Variants in SEMA3C observed in about 807,000 individuals in gnomAD.
SEMA3C encodes semaphorin 3C, also known as semaphorin-3C.
In SEMA3C, 47 loss-of-function variants were observed where a neutral mutation model predicts 89.4. That is an observed-to-expected ratio of 0.53 (90% CI 0.42 to 0.67). The LOEUF (loss-of-function observed/expected upper bound fraction) is 0.67. Among genes scored for constraint, SEMA3C ranks in the 30% least tolerant of loss-of-function variants. The pLI is 0.00. For missense variants in SEMA3C, 839 were observed against 929.1 expected (o/e 0.90, Z 1.26); for synonymous variants, 310 against 320.2 (o/e 0.97, Z 0.34).
intron 11 of SEMA3C, among the ~76,000 whole-genome samples, chr7:80,795,621 T>C (rs962616510): frequency 5.3e-5 from 8 of 152,206 alleles, no homozygotes; most frequent in Non-Finnish European, 1.0e-4. Flanking sequence ...ATTGGTTTAT[T>C]CTGTTTTACT....
chr7:80,853,791 CA>C (rs1790571151), intron 2 of SEMA3C, among the ~76,000 whole-genome samples: 1 of 152,058 alleles, frequency 6.6e-6, no homozygotes, highest in Non-Finnish European at 1.5e-5. Flanking sequence ...CTGTCTGTAA[CA>C]AAAAGGATTA....
At chr7:80,912,845 G>T (rs78041414) in intron 2 of SEMA3C, among the ~76,000 whole-genome samples, 2,771 of 152,106 alleles carry the variant, frequency 0.018, 85 homozygotes, top group African/African-American at 0.063. Flanking sequence ...TTCAACAAAC[G>T]TGCCTTGTAA....
chr7:80,803,539 C>T (rs1350385162), intron 8 of SEMA3C, among the ~76,000 whole-genome samples: 3 of 152,138 alleles, frequency 2.0e-5, no homozygotes, highest in Non-Finnish European at 4.4e-5. Context: ...CTGTAAAACT[C>T]TATTATAGAA....
In SEMA3C at chr7:80,897,701, T is replaced by G. The variant is rs957149029; in HGVS notation, c.103+18978A>C. On this transcript the variant is annotated intron_variant, in intron 2 of 17. Coordinates refer to ENST00000265361, the MANE Select transcript of SEMA3C (RefSeq NM_006379.5). ...TTTAATTGACTGCAAGGTTTGATAC[T>G]GGCATAAGCAAACAAGTAAATAGAA... 7.9e-5 allele frequency among the ~76,000 whole-genome samples: 12 copies of G among 152,326 alleles called. No individual in the cohort carries two copies. In the East Asian group the frequency reaches 2.3e-3, roughly 29 times the overall value.
chr7:80,750,448 A>ATAT (rs1224518165), intron 16 of SEMA3C, among the ~76,000 whole-genome samples: 1 of 51,328 alleles, frequency 1.9e-5, no homozygotes, highest in Non-Finnish European at 4.0e-5. Context: ...ATATATATAT[A>ATAT]TATATATATA....
chr7:80,775,198 C>T (rs1171338675), intron 12 of SEMA3C, among the ~76,000 whole-genome samples: 1 of 152,058 alleles, frequency 6.6e-6, no homozygotes. Context: ...TGGAGAAATT[C>T]TAAAGGATGC....
intron 2 of SEMA3C, among the ~76,000 whole-genome samples, chr7:80,842,358 T>G (rs564848367): frequency 1.3e-5 from 2 of 152,166 alleles, no homozygotes; most frequent in African/African-American, 4.8e-5. Flanking sequence ...AAGAGATCAG[T>G]GTTGCACTTT....
chr7:80,898,484 T>C (rs1791794588), intron 2 of SEMA3C, among the ~76,000 whole-genome samples: 1 of 152,014 alleles, frequency 6.6e-6, no homozygotes, highest in Non-Finnish European at 1.5e-5. Context: ...CAAAGATGAG[T>C]ATATAGCAGA....
At position 80,744,964 on chromosome 7, in the gene SEMA3C, T is replaced by C. The variant is rs1330057332; in HGVS notation, c.2186A>G (p.Tyr729Cys). Residue 729 changes from tyrosine to cysteine, a missense_variant, in exon 18 of 18, where the codon TAT becomes TGT. Physicochemically the swap from Tyr to Cys is radical, Grantham distance 194. Coordinates refer to ENST00000265361, the MANE Select transcript of SEMA3C (RefSeq NM_006379.5). ...GDESQKMRGD[Y>C]GKLKALINSR... ...ATTGATGAGGGCCTTTAACTTGCCA[T>C]AGTCCCCTCTCATTTTCTGTGATTC... 3 of 1,614,008 alleles carry C rather than the reference T, an allele frequency of 1.9e-6. No homozygotes were observed. Among genetic ancestry groups the C allele is most frequent in the Non-Finnish European group, 2.5e-6 (3 of 1,179,984 alleles).
At chr7:80,802,596 A>G in intron 9 of SEMA3C, 69 bp downstream of exon 9, 1 of 932,538 alleles carries the variant, frequency 1.1e-6, no homozygotes, top group Non-Finnish European at 1.7e-6. Context: ...TTCTTTTGAG[A>G]CCTTATTTAA....
intron 2 of SEMA3C, among the ~76,000 whole-genome samples, chr7:80,856,549 A>C (rs1252763063): frequency 6.6e-6 from 1 of 151,284 alleles, no homozygotes. Flanking sequence ...AAAAAAAAAA[A>C]AAAAAAAACT....
At chr7:80,870,528 C>T (rs772102979) in intron 2 of SEMA3C, among the ~76,000 whole-genome samples, 26 of 152,140 alleles carry the variant, frequency 1.7e-4, no homozygotes, top group Admixed American at 6.5e-5. Flanking sequence ...GCTACCATAA[C>T]GACAAACACT....
At chr7:80,775,056 G>A (rs1788516371) in intron 12 of SEMA3C, among the ~76,000 whole-genome samples, 1 of 151,978 alleles carries the variant, frequency 6.6e-6, no homozygotes, top group South Asian at 2.1e-4. Flanking sequence ...TAATGGAATG[G>A]CATTTTTTTA....
intron 2 of SEMA3C, among the ~76,000 whole-genome samples, chr7:80,859,782 T>C (rs1036785357): frequency 5.9e-5 from 9 of 152,126 alleles, no homozygotes; most frequent in Non-Finnish European, 1.3e-4. Context: ...AGGCCTTATT[T>C]GGTGATGACA....
At position 80,756,011 on chromosome 7, in the gene SEMA3C, G is replaced by A. The variant is rs541206622; in HGVS notation, c.1643+2320C>T. The stretch of plus-strand genomic sequence containing the variant: ...GAGACTCCTGGTTTAAAGAGTGGGA[G>A]TTCTCTTCCTATCTCATGCCATTAA... On this transcript the variant is annotated intron_variant, in intron 15 of 17. Transcript: ENST00000265361. 1.2e-4 allele frequency among the ~76,000 whole-genome samples: 19 copies of A among 152,216 alleles called. No individual in the cohort carries two copies. The South Asian group carries it at 1.5e-3, about 12-fold the overall frequency.
chr7:80,794,262 C>A (rs1325198722), intron 11 of SEMA3C, among the ~76,000 whole-genome samples: 1 of 152,066 alleles, frequency 6.6e-6, no homozygotes, highest in African/African-American at 2.4e-5. Flanking sequence ...CAAGCTCAAT[C>A]TCACATTTTT....
In SEMA3C at chr7:80,863,903, A is replaced by ACATATATATCACATATATAT. The variant is rs1401661476; in HGVS notation, c.104-35178_104-35159dup. ...ATCACATATATATCACACATATATT[A>ACATATATATCACATATATAT]CATATATATCACATATATATCATAT... On this transcript the variant is annotated intron_variant, in intron 2 of 17. Transcript: ENST00000265361. 9.9e-3 allele frequency among the ~76,000 whole-genome samples: 1,189 copies of ACATATATATCACATATATAT among 120,050 alleles called. 26 individuals carry two copies. The highest frequency in any genetic ancestry group is 0.045 in the African/African-American group (1,110 of 24,738). 78.8% of individuals were successfully genotyped at this position (120,050 alleles called of 152,430 possible).
At chr7:80,778,304 C>A (rs1484420433) in intron 12 of SEMA3C, among the ~76,000 whole-genome samples, 1 of 152,132 alleles carries the variant, frequency 6.6e-6, no homozygotes, top group Admixed American at 6.6e-5. Flanking sequence ...AACTGACACA[C>A]CTTCAATAAT....
intron 14 of SEMA3C, 43 bp from the exon 15 acceptor site, chr7:80,758,531 A>C (rs1351364087): frequency 6.3e-7 from 1 of 1,579,314 alleles, no homozygotes; most frequent in South Asian, 1.1e-5. Flanking sequence ...TGTGGAAGTT[A>C]AAAGAAGACT....
Sources: allele counts gnomAD v4.1 joint callset (sites outside exome capture counted in the v4.1 genomes callset), GRCh38; gene constraint gnomAD v4.1.1; transcripts MANE v1.5; gene names NCBI Gene and HGNC (gene_info 2026-07-23, HGNC 2026-07-21).